Variants in SPTSSA observed in about 807,000 individuals in gnomAD.
SPTSSA encodes serine palmitoyltransferase small subunit A, also known as small subunit of serine palmitoyltransferase A.
Under a neutral mutation model 9.1 loss-of-function variants are expected in SPTSSA, and 8 were observed. The observed-to-expected ratio is 0.88, with a 90% CI of 0.51 to 1.58. SPTSSA has a LOEUF of 1.58. Among genes scored for constraint, SPTSSA ranks in the 40% most tolerant of loss-of-function variants. The pLI, the probability that SPTSSA is intolerant of heterozygous loss-of-function variation, is 0.00. For synonymous variants in SPTSSA, 42 were observed against 37.7 expected (o/e 1.11, Z -0.41); for missense variants, 100 against 93.8 (o/e 1.07, Z -0.27).
Position 34,435,236 on chromosome 14 carries a change from T to C in SPTSSA, c.181A>G (p.Met61Val), listed in dbSNP as rs746978143. ...TGYVFMPQHI[M>V]AILHYFEIVQ is the part of the protein sequence containing the mutation. ...ATTTCAAAGTAGTGCAATATCGCCA[T>C]GATGTGCTGGGGCATGAAGACGTAT... Residue 61 changes from methionine to valine, a missense_variant, in exon 2 of 2, where the codon ATG (methionine) becomes GTG (valine). Transcript: ENST00000298130. 3.7e-6 allele frequency: 6 copies of C among 1,613,912 alleles called. No homozygotes were observed. Among genetic ancestry groups the C allele is most frequent in the Non-Finnish European group, 4.2e-6 (5 of 1,179,856 alleles).
At chr14:34,443,143 G>A (rs1231574027) in intron 1 of SPTSSA, among the ~76,000 whole-genome samples, 1 of 94,466 alleles carries the variant, frequency 1.1e-5, no homozygotes, top group Non-Finnish European at 1.9e-5. Flanking sequence ...GGGTGTGTGT[G>A]TGTGTGTGTG....
At chr14:34,437,600 T>C (rs1242970622) in intron 1 of SPTSSA, among the ~76,000 whole-genome samples, 1 of 152,178 alleles carries the variant, frequency 6.6e-6, no homozygotes, top group Non-Finnish European at 1.5e-5. Context: ...ATAGATGCTC[T>C]CTCCTACAAT....
rs568679310 is a variant in SPTSSA, at chr14:34,447,854, T to G, written c.113-12550A>C. Among the ~76,000 whole-genome samples the G allele has an allele frequency of 2.5e-4, 38 of 152,372 alleles. No homozygotes were observed. The South Asian group carries it at 7.5e-3, about 30-fold the overall frequency. Reference sequence around the variant, plus strand: ...ACCTCTGAAGTTCCCATTAAATCTTTTAACCAAATTCATTCCCTCTCGCCT... The same window carrying G: ...ACCTCTGAAGTTCCCATTAAATCTTGTAACCAAATTCATTCCCTCTCGCCT... On this transcript the variant is annotated intron_variant, in intron 1 of 1. Coordinates refer to ENST00000298130, the MANE Select transcript of SPTSSA (RefSeq NM_138288.4).
intron 1 of SPTSSA, among the ~76,000 whole-genome samples, chr14:34,460,097 A>G (rs1878586951): frequency 6.6e-6 from 1 of 152,206 alleles, no homozygotes; most frequent in Non-Finnish European, 1.5e-5. Context: ...CTTTCCACCA[A>G]GCTAAAATGA....
chr14:34,451,674 C>A (rs1883527889), intron 1 of SPTSSA, among the ~76,000 whole-genome samples: 1 of 146,902 alleles, frequency 6.8e-6, no homozygotes, highest in Admixed American at 6.9e-5. Context: ...AGTGAGATCG[C>A]GCCACTGCAC....
chr14:34,450,373 C>T (rs1883497927), intron 1 of SPTSSA, among the ~76,000 whole-genome samples: 1 of 152,148 alleles, frequency 6.6e-6, no homozygotes, highest in South Asian at 2.1e-4. Context: ...CGTTTCAGTA[C>T]CACCTGTCAA....
intron 1 of SPTSSA, among the ~76,000 whole-genome samples, chr14:34,452,119 C>T (rs1361330563): frequency 1.3e-5 from 2 of 151,798 alleles, no homozygotes; most frequent in East Asian, 3.9e-4. Context: ...CGCAGTGACG[C>T]ACACCTGTAT....
intron 1 of SPTSSA, among the ~76,000 whole-genome samples, chr14:34,442,525 A>G (rs902019558): frequency 1.3e-5 from 2 of 152,224 alleles, no homozygotes; most frequent in Non-Finnish European, 2.9e-5. Flanking sequence ...CAACCTGCCC[A>G]AAGGGGATGC....
chr14:34,457,951 G>A lies in SPTSSA; in HGVS notation c.112+4145C>T, dbSNP rs145668201. Among the ~76,000 whole-genome samples, 940 of 136,878 alleles carry A rather than the reference G, an allele frequency of 6.9e-3. 10 individuals carry two copies. The highest frequency in any genetic ancestry group is 0.025 in the African/African-American group (904 of 36,160). 89.8% of individuals were successfully genotyped at this position (136,878 alleles called of 152,430 possible). ...CGCACCACTGCACTCCAGCCTGGGT[G>A]ACAGAGCAAGACTGTCTCGGAAAAA... On this transcript the variant is annotated intron_variant, in intron 1 of 1. Transcript: ENST00000298130.
At chr14:34,449,722 C>T (rs533593345) in intron 1 of SPTSSA, among the ~76,000 whole-genome samples, 2 of 151,694 alleles carry the variant, frequency 1.3e-5, no homozygotes, top group Admixed American at 6.6e-5. Flanking sequence ...AGGCTGGTCT[C>T]GAACTCCTGG....
At chr14:34,451,343 T>G (rs1217869420) in intron 1 of SPTSSA, among the ~76,000 whole-genome samples, 1 of 152,174 alleles carries the variant, frequency 6.6e-6, no homozygotes, top group Admixed American at 6.6e-5. Flanking sequence ...ACATTAAATG[T>G]GACTAAATGA....
At chr14:34,449,685 T>C (rs1234379912) in intron 1 of SPTSSA, among the ~76,000 whole-genome samples, 1 of 150,986 alleles carries the variant, frequency 6.6e-6, no homozygotes, top group Non-Finnish European at 1.5e-5. Context: ...ATATTTTTAG[T>C]AGAGATGGGG....
Position 34,459,735 on chromosome 14 carries a change from G to T in SPTSSA, c.112+2361C>A, listed in dbSNP as rs180774132. Among the ~76,000 whole-genome samples, 232 of 152,096 alleles carry T rather than the reference G, an allele frequency of 1.5e-3. 1 individual carries two copies. Among genetic ancestry groups the T allele is most frequent in the African/African-American group, 5.4e-3 (222 of 41,478 alleles). On this transcript the variant is annotated intron_variant, in intron 1 of 1. Coordinates refer to ENST00000298130, the MANE Select transcript of SPTSSA (RefSeq NM_138288.4). The stretch of plus-strand genomic sequence containing the variant: ...GGCGGAGGTTGCAGTGAGCCAAGAT[G>T]GCGACATTACACTCCAGCCGGGCAA...
At chr14:34,444,371 A>G (rs1883383445) in intron 1 of SPTSSA, among the ~76,000 whole-genome samples, 1 of 152,344 alleles carries the variant, frequency 6.6e-6, no homozygotes, top group African/African-American at 2.4e-5. Context: ...ACCAAGGGAC[A>G]TGTAGCATTG....
In SPTSSA at chr14:34,452,417, A is replaced by C. The variant is rs192453387; in HGVS notation, c.112+9679T>G. Among the ~76,000 whole-genome samples, 7 of 152,330 alleles carry C rather than the reference A, an allele frequency of 4.6e-5. No homozygotes were observed. In the East Asian group the frequency reaches 1.3e-3, roughly 29 times the overall value. ...AATTTGATATTCAAGGGTCATGTTA[A>C]AGGATAGCACATCACCATCAGAAAT... is the stretch of plus-strand genomic sequence containing the variant. On this transcript the variant is annotated intron_variant, in intron 1 of 1. Transcript: ENST00000298130.
At chr14:34,448,815 T>C (rs1318580456) in intron 1 of SPTSSA, among the ~76,000 whole-genome samples, 1 of 148,358 alleles carries the variant, frequency 6.7e-6, no homozygotes, top group Non-Finnish European at 1.5e-5. Context: ...CTGGGCAACA[T>C]GGCAAAACCT....
rs1883202690 is a variant in SPTSSA, at chr14:34,434,160, G to A, written c.*1041C>T. ...AAGGAAAAGATATACTGCTACATCA[G>A]CTGATTTTTTTTCTCTTTGAATTTA... On this transcript the variant is annotated 3_prime_UTR_variant, in exon 2 of 2. Transcript: ENST00000298130. 6.6e-6 allele frequency: 1 copy of A among 150,730 alleles called. No individual in the cohort carries two copies. The highest frequency in any genetic ancestry group is 2.4e-5 in the African/African-American group (1 of 40,834). The allele number at this position is 150,730 out of a possible 1,614,324, so 9.3% of individuals were successfully genotyped here.
chr14:34,445,751 GAAT>G (rs766290830), intron 1 of SPTSSA, among the ~76,000 whole-genome samples: 1 of 152,110 alleles, frequency 6.6e-6, no homozygotes. Flanking sequence ...ACATTTTTGT[GAAT>G]AATACTAATG....
intron 1 of SPTSSA, 91 bp downstream of exon 1, chr14:34,462,005 G>T: frequency 1.2e-6 from 1 of 855,596 alleles, no homozygotes; most frequent in Non-Finnish European, 1.4e-6. Context: ...CGCCGCTCCA[G>T]CCTCCACCCC....
Sources: gnomAD v4.1 joint callset for allele counts (sites outside exome capture counted in the v4.1 genomes callset) on GRCh38, gnomAD v4.1.1 for gene constraint, MANE v1.5 for transcripts, NCBI Gene and HGNC (gene_info 2026-07-23, HGNC 2026-07-21) for gene names.